CASQ2: variants seen among roughly 807,000 people sequenced by gnomAD.
The protein encoded by CASQ2 is calsequestrin-2.
Under a neutral mutation model 46.5 loss-of-function variants are expected in CASQ2, and 49 were observed. That is an observed-to-expected ratio of 1.05 (90% confidence interval 0.84 to 1.34). CASQ2 has a LOEUF of 1.34. CASQ2 is among the 40% of genes most tolerant of loss of function. The pLI, the probability that CASQ2 is intolerant of heterozygous loss-of-function variation, is 0.00. For missense variants in CASQ2, 486 were observed against 481.3 expected (o/e 1.01, Z -0.09); for synonymous variants, 174 against 168.5 (o/e 1.03, Z -0.25).
chr1:115,750,842 A>G (rs1259687977), intron 1 of CASQ2, among the ~76,000 whole-genome samples: 1 of 152,228 alleles, frequency 6.6e-6, no homozygotes, highest in African/African-American at 2.4e-5. Flanking sequence ...ATAATTCAAT[A>G]GGAAAGAAGT....
At chr1:115,702,385 C>T (rs995516179) in intron 10 of CASQ2, among the ~76,000 whole-genome samples, 2 of 152,156 alleles carry the variant, frequency 1.3e-5, no homozygotes, top group Admixed American at 6.5e-5. Flanking sequence ...AAGATTTCCT[C>T]GCATTCTGCC....
rs764077013 is a variant in CASQ2, at chr1:115,723,837, C to T, written c.783+1671G>A. On this transcript the variant is annotated intron_variant, in intron 7 of 10. Transcript: ENST00000261448. ...TACAGGCATGAGTCACTATGCCTAG[C>T]GATAAGACCCTTTTAATATCTTTGA... Among the ~76,000 whole-genome samples the T allele has an allele frequency of 7.9e-5, 12 of 152,142 alleles. No individual in the cohort carries two copies. The East Asian group carries it at 1.3e-3, about 17-fold the overall frequency.
chr1:115,746,527 A>G (rs1305580018), intron 1 of CASQ2, among the ~76,000 whole-genome samples: 3 of 152,090 alleles, frequency 2.0e-5, no homozygotes, highest in African/African-American at 7.2e-5. Context: ...AGTCATTTTG[A>G]CGGGTATGTA....
At chr1:115,730,000 A>G (rs1570821094) in intron 5 of CASQ2, among the ~76,000 whole-genome samples, 1 of 152,200 alleles carries the variant, frequency 6.6e-6, no homozygotes, top group Non-Finnish European at 1.5e-5. Flanking sequence ...GAGTGGAACC[A>G]TCCTTGGCCC....
intron 5 of CASQ2, among the ~76,000 whole-genome samples, chr1:115,727,793 A>G (rs1299238719): frequency 6.6e-6 from 1 of 152,156 alleles, no homozygotes; most frequent in African/African-American, 2.4e-5. Context: ...TGAAACTTGG[A>G]CAGACCCCAG....
intron 5 of CASQ2, chr1:115,732,328 TG>T (rs1197733916): frequency 6.5e-6 from 1 of 153,476 alleles, no homozygotes; most frequent in Non-Finnish European, 1.5e-5. Context: ...TTATGTTACT[TG>T]GATTATAGAG....
chr1:115,703,069 T>C (rs553854996), intron 9 of CASQ2, 74 bp from the exon 10 acceptor site: 4 of 1,138,378 alleles, frequency 3.5e-6, no homozygotes, highest in Non-Finnish European at 3.9e-6. Context: ...CGCCGTCCCA[T>C]CACAGTAACT....
intron 1 of CASQ2, among the ~76,000 whole-genome samples, chr1:115,764,869 T>A (rs1570863604): frequency 6.6e-6 from 1 of 152,162 alleles, no homozygotes; most frequent in South Asian, 2.1e-4. Context: ...CACGACAGAA[T>A]TCAGACTCAG....
At position 115,703,139 on chromosome 1, in the gene CASQ2, T is replaced by A. The variant is rs551724759; in HGVS notation, c.940-144A>T. 6 of 704,638 alleles carry A rather than the reference T, an allele frequency of 8.5e-6. 1 individual carries two copies. In the South Asian group the frequency reaches 9.0e-5, roughly 11 times the overall value. The allele number at this position is 704,638 out of a possible 1,614,324, so 43.6% of individuals were successfully genotyped here. On this transcript the variant is annotated intron_variant, in intron 9 of 10. Transcript: ENST00000261448. ...GTGAGCACTTAGCAAATTGAAGACT[T>A]GGCCCCAGCCTTCAAGCACTTCAAA... is the stretch of plus-strand genomic sequence containing the variant.
At chr1:115,749,927 A>G (rs1019824283) in intron 1 of CASQ2, among the ~76,000 whole-genome samples, 1 of 152,166 alleles carries the variant, frequency 6.6e-6, no homozygotes, top group Non-Finnish European at 1.5e-5. Flanking sequence ...CCTCTCTGGA[A>G]CTCAAAAAGC....
chr1:115,762,332 C>T (rs1199624671), intron 1 of CASQ2, among the ~76,000 whole-genome samples: 1 of 152,174 alleles, frequency 6.6e-6, no homozygotes, highest in African/African-American at 2.4e-5. Flanking sequence ...TATTGAGTGT[C>T]TGTTAATAGC....
chr1:115,738,415 G>A, intron 3 of CASQ2, 80 bp from the exon 4 acceptor site: 1 of 946,650 alleles, frequency 1.1e-6, no homozygotes, highest in Non-Finnish European at 1.7e-6. Context: ...GCATTGGAGG[G>A]AAGTTGTAGC....
At position 115,725,557 on chromosome 1, in the gene CASQ2, GAAAAAAAAAA is replaced by G. The variant is rs56889721; in HGVS notation, c.738-14_738-5del. ...GCGCAGGCGACGTAGAGTGGGTCTG[GAAAAAAAAAA>G]AAAAAAAAAAAAAGAAAGAGCTTCC... On this transcript the variant is annotated splice_region_variant and splice_polypyrimidine_tract_variant and intron_variant, in intron 6 of 10. Coordinates refer to ENST00000261448, the MANE Select transcript of CASQ2 (RefSeq NM_001232.4). 12 of 1,402,830 alleles carry G rather than the reference GAAAAAAAAAA, an allele frequency of 8.6e-6. No individual in the cohort carries two copies. Among genetic ancestry groups the G allele is most frequent in the Admixed American group, 4.7e-5 (2 of 42,140 alleles). 86.9% of individuals were successfully genotyped at this position (1,402,830 alleles called of 1,614,324 possible). A position where few individuals can be genotyped will look rare whatever the true frequency, so the allele number is the denominator to read the frequency against.
chr1:115,730,451 A>C (rs1647746555), intron 5 of CASQ2, among the ~76,000 whole-genome samples: 1 of 152,228 alleles, frequency 6.6e-6, no homozygotes, highest in African/African-American at 2.4e-5. Context: ...TGTCCCTGGC[A>C]CTAAGAAGAG....
chr1:115,742,360 T>G (rs541406849), intron 2 of CASQ2, among the ~76,000 whole-genome samples: 2 of 152,288 alleles, frequency 1.3e-5, no homozygotes, highest in South Asian at 4.1e-4. Flanking sequence ...TGTTGGATTT[T>G]GTCTTGAGCA....
chr1:115,729,040 T>G (rs1184272372), intron 5 of CASQ2, among the ~76,000 whole-genome samples: 3 of 137,396 alleles, frequency 2.2e-5, no homozygotes, highest in Non-Finnish European at 4.7e-5. Context: ...TCATTCTTTT[T>G]TTTTTTTTTT....
At chr1:115,709,193 T>G (rs554058814) in intron 8 of CASQ2, among the ~76,000 whole-genome samples, 1 of 26,394 alleles carries the variant, frequency 3.8e-5, no homozygotes, top group African/African-American at 2.9e-4. Flanking sequence ...ACAAGTTCAA[T>G]TTTTTTCCAA....
intron 5 of CASQ2, among the ~76,000 whole-genome samples, chr1:115,732,593 G>A (rs938076495): frequency 6.6e-6 from 1 of 152,232 alleles, no homozygotes; most frequent in Non-Finnish European, 1.5e-5. Context: ...GAAAAAGGAA[G>A]CAGTGGCTCA....
intron 1 of CASQ2, among the ~76,000 whole-genome samples, chr1:115,755,046 C>T (rs758562038): frequency 1.4e-4 from 21 of 152,196 alleles, no homozygotes; most frequent in South Asian, 2.1e-4. Flanking sequence ...CTGCCAGTCT[C>T]GGGCCCACAC....
Sources: allele counts gnomAD v4.1 joint callset (sites outside exome capture counted in the v4.1 genomes callset), GRCh38; gene constraint gnomAD v4.1.1; transcripts MANE v1.5; gene names NCBI Gene and HGNC (gene_info 2026-07-23, HGNC 2026-07-21).